The following SCAPER variants were observed in gnomAD, a reference collection of about 807,000 sequenced individuals.
The protein encoded by SCAPER is S phase cyclin A-associated protein in the endoplasmic reticulum.
In SCAPER, 98 loss-of-function variants were observed where a neutral mutation model predicts 182.2. The observed-to-expected ratio is 0.54, with a 90% CI of 0.46 to 0.64. The LOEUF is 0.64. SCAPER is among the 30% of genes least tolerant of loss of function. The pLI is 0.00. For missense variants in SCAPER, 1,432 were observed against 1,690.0 expected (o/e 0.85, Z 2.68); for synonymous variants, 605 against 564.6 (o/e 1.07, Z -1.01).
chr15:76,698,762 A>G (rs542733187), intron 20 of SCAPER, among the ~76,000 whole-genome samples: 1 of 152,334 alleles, frequency 6.6e-6, no homozygotes, highest in Admixed American at 6.5e-5. Context: ...TTTTGGTTCC[A>G]TATGAATTTT....
At chr15:76,757,175 TTTG>T (rs2062491344) in intron 14 of SCAPER, among the ~76,000 whole-genome samples, 1 of 152,198 alleles carries the variant, frequency 6.6e-6, no homozygotes. Flanking sequence ...TTTCAGGTAT[TTTG>T]TTTTTTGTTA....
At position 76,835,933 on chromosome 15, in the gene SCAPER, C is replaced by CAA. The variant is rs35242954; in HGVS notation, c.393+5799_393+5800dup. 9.3e-3 allele frequency among the ~76,000 whole-genome samples: 873 copies of CAA among 94,166 alleles called. 8 individuals are homozygous for CAA. Among genetic ancestry groups the CAA allele is most frequent in the South Asian group, 0.013 (33 of 2,520 alleles). The allele number at this position is 94,166 out of a possible 152,430, so 61.8% of individuals were successfully genotyped here. On this transcript the variant is annotated intron_variant, in intron 5 of 31. Coordinates refer to ENST00000563290, the MANE Select transcript of SCAPER (RefSeq NM_020843.4). ...AACACATTTCCATTCACATTAGCCACAAAAAAAAAAAAAAAAAAAAATCCA... is the reference window on the plus strand; with the variant it reads ...AACACATTTCCATTCACATTAGCCACAAAAAAAAAAAAAAAAAAAAAAATCCA...
At chr15:76,763,232 A>G (rs1274262056) in intron 14 of SCAPER, among the ~76,000 whole-genome samples, 1 of 151,480 alleles carries the variant, frequency 6.6e-6, no homozygotes, top group Non-Finnish European at 1.5e-5. Context: ...TCCAGGGTAT[A>G]GTAATCATGG....
At chr15:76,892,562 A>G (rs1035772743) in intron 1 of SCAPER, among the ~76,000 whole-genome samples, 2 of 152,262 alleles carry the variant, frequency 1.3e-5, no homozygotes, top group African/African-American at 2.4e-5. Flanking sequence ...CAACAGACAC[A>G]TGAAGAAATG....
intron 23 of SCAPER, among the ~76,000 whole-genome samples, chr15:76,570,286 A>G (rs991330196): frequency 1.3e-5 from 2 of 151,912 alleles, no homozygotes; most frequent in African/African-American, 4.8e-5. Flanking sequence ...TTTTTTTGTC[A>G]TAGTCCCTAC....
chr15:76,573,111 T>C (rs963552594), intron 23 of SCAPER, among the ~76,000 whole-genome samples: 1 of 152,204 alleles, frequency 6.6e-6, no homozygotes, highest in Non-Finnish European at 1.5e-5. Flanking sequence ...TATTGTGCAA[T>C]ATTTTATAAA....
chr15:76,822,196 T>C (rs1489763811), intron 5 of SCAPER, among the ~76,000 whole-genome samples: 15 of 152,294 alleles, frequency 9.8e-5, no homozygotes, highest in Middle Eastern at 3.4e-3. Context: ...GGCTCATCAA[T>C]TGTAACAAAT....
intron 15 of SCAPER, among the ~76,000 whole-genome samples, chr15:76,737,945 C>T (rs950583318): frequency 2.0e-5 from 3 of 152,144 alleles, no homozygotes; most frequent in Admixed American, 6.5e-5. Flanking sequence ...TTTGGCTTAA[C>T]GGAATGTTGT....
intron 4 of SCAPER, among the ~76,000 whole-genome samples, chr15:76,847,148 C>A (rs1267169101): frequency 6.6e-6 from 1 of 151,974 alleles, no homozygotes; most frequent in East Asian, 1.9e-4. Flanking sequence ...AATACCATAT[C>A]AATTGCACTC....
At chr15:76,742,494 A>ATG (rs1567986942) in intron 15 of SCAPER, among the ~76,000 whole-genome samples, 1 of 108,748 alleles carries the variant, frequency 9.2e-6, no homozygotes, top group East Asian at 2.7e-4. Flanking sequence ...AAAAAAAAAA[A>ATG]GAATAAAAAT....
At chr15:76,577,424 G>A (rs1239301160) in intron 22 of SCAPER, among the ~76,000 whole-genome samples, 1 of 152,116 alleles carries the variant, frequency 6.6e-6, no homozygotes, top group Non-Finnish European at 1.5e-5. Context: ...TCTAGCCTGG[G>A]TGAAAAAGCA....
chr15:76,864,702 T>A (rs2072138920), intron 2 of SCAPER, among the ~76,000 whole-genome samples: 1 of 152,180 alleles, frequency 6.6e-6, no homozygotes, highest in African/African-American at 2.4e-5. Context: ...TAATTTTTTT[T>A]TTTTTATTTT....
At chr15:76,404,746 T>G (rs1278464289) in intron 26 of SCAPER, 67 bp from the exon 27 acceptor site, 4 of 1,519,502 alleles carry the variant, frequency 2.6e-6, no homozygotes, top group South Asian at 1.2e-5. Context: ...CCTTCAATGA[T>G]AAATGCTACC....
chr15:76,695,840 C>T (rs944034892), intron 20 of SCAPER, among the ~76,000 whole-genome samples: 4 of 152,234 alleles, frequency 2.6e-5, no homozygotes, highest in South Asian at 2.1e-4. Flanking sequence ...CACACACACA[C>T]ACCCCATAAA....
At chr15:76,723,451 T>A (rs1191926078) in intron 17 of SCAPER, among the ~76,000 whole-genome samples, 1 of 152,198 alleles carries the variant, frequency 6.6e-6, no homozygotes, top group Non-Finnish European at 1.5e-5. Context: ...TTAGGTCTGC[T>A]TGGTGCAGAG....
intron 14 of SCAPER, among the ~76,000 whole-genome samples, chr15:76,761,141 T>C (rs368594831): frequency 2.5e-4 from 38 of 152,316 alleles, no homozygotes; most frequent in East Asian, 1.2e-3. Context: ...TTTGGTGCCA[T>C]AGAATTATTG....
At chr15:76,688,126 C>T (rs996161220) in intron 20 of SCAPER, among the ~76,000 whole-genome samples, 1 of 152,140 alleles carries the variant, frequency 6.6e-6, no homozygotes, top group Non-Finnish European at 1.5e-5. Flanking sequence ...TTAATAATCA[C>T]CATTCTAACT....
At chr15:76,709,751 T>G (rs544948550) in intron 17 of SCAPER, among the ~76,000 whole-genome samples, 4 of 152,156 alleles carry the variant, frequency 2.6e-5, no homozygotes, top group African/African-American at 9.6e-5. Flanking sequence ...ACAAGAAAAC[T>G]ACAGATAAAT....
chr15:76,836,688 A>G lies in SCAPER; in HGVS notation c.393+5046T>C, dbSNP rs185327620. Among the ~76,000 whole-genome samples, 123 of 152,236 alleles carry G rather than the reference A, an allele frequency of 8.1e-4. 1 individual carries two copies. Among genetic ancestry groups the G allele is most frequent in the African/African-American group, 2.8e-3 (115 of 41,538 alleles). ...GGAGATTGAGACCATTCTGGCTAAC[A>G]TGGTGAAACCCCGTCTCTACTAAAA... On this transcript the variant is annotated intron_variant, in intron 5 of 31. Coordinates refer to ENST00000563290, the MANE Select transcript of SCAPER (RefSeq NM_020843.4).
Sources: gnomAD v4.1 joint callset for allele counts (sites outside exome capture counted in the v4.1 genomes callset) on GRCh38, gnomAD v4.1.1 for gene constraint, MANE v1.5 for transcripts, NCBI Gene and HGNC (gene_info 2026-07-23, HGNC 2026-07-21) for gene names.